Variants in BNC1 observed in about 807,000 individuals in gnomAD.
BNC1 encodes basonuclin zinc finger protein 1, also known as zinc finger protein basonuclin-1.
A neutral mutation model predicts 66.5 loss-of-function variants in BNC1; 8 were observed. That is an observed-to-expected ratio of 0.12 (90% confidence interval 0.07 to 0.22). BNC1 has a LOEUF of 0.22. Among genes scored for constraint, BNC1 ranks in the 10% least tolerant of loss-of-function variants. The pLI is 1.00. For synonymous variants in BNC1, 454 were observed against 452.6 expected, an observed-to-expected ratio of 1.00 and a Z score of -0.04; for missense variants, 1,069 against 1,241.3, an observed-to-expected ratio of 0.86 and a Z score of 2.09.
rs1179681249 is a variant in BNC1 at position 83,264,105 on chromosome 15, C to A, written c.1146G>T (p.Lys382Asn). The A allele has an allele frequency of 1.2e-6, 2 of 1,614,078 alleles. No individual in the cohort carries two copies. The highest frequency in any genetic ancestry group is 1.3e-5 in the African/African-American group (1 of 74,930). Residue 382 changes from lysine to asparagine, a missense_variant, in exon 4 of 5, where the codon AAG becomes AAT. Lys to Asn is a moderately conservative substitution (Grantham distance 94). Coordinates refer to ENST00000345382, the MANE Select transcript of BNC1 (RefSeq NM_001717.4). ...LKIHYNAVHL[K>N]IKHKCTIEGC... ...CTTCGATGGTGCACTTATGCTTGAT[C>A]TTCAAGTGGACGGCATTGTAGTGGA... is the stretch of plus-strand genomic sequence containing the variant.
chr15:83,268,357 G>C, intron 1 of BNC1, 125 bp from the exon 2 acceptor site: 1 of 821,864 alleles, frequency 1.2e-6, no homozygotes, highest in African/African-American at 1.7e-5. Context: ...CCCACTGTGT[G>C]CCAGGCCCAG....
intron 1 of BNC1, among the ~76,000 whole-genome samples, chr15:83,282,346 C>T (rs528305205): frequency 4.6e-5 from 7 of 152,276 alleles, no homozygotes; most frequent in African/African-American, 1.4e-4. Flanking sequence ...AACGATGACT[C>T]GTATCTTATT....
chr15:83,264,545 G>A lies in BNC1; in HGVS notation c.706C>T (p.Leu236Phe). The A allele has an allele frequency of 6.2e-7, 1 of 1,614,140 alleles. No homozygotes were observed. The highest frequency in any genetic ancestry group is 8.5e-7 in the Non-Finnish European group (1 of 1,180,030). The change falls in exon 4 of 5, where the codon CTC (leucine) becomes TTC (phenylalanine). Residue 236 changes from leucine to phenylalanine, a missense_variant. Around this residue, in one of 7 missense-constraint regions of BNC1, gnomAD observed 181 missense variants for 181.5 expected, o/e 1.00. Coordinates refer to ENST00000345382, the MANE Select transcript of BNC1 (RefSeq NM_001717.4). ...AGCATGAAAGTCATGTTGCTTATGAGGTTCTCAAAGGGGTGTATACTGCTG... is the reference window on the plus strand; with the variant it reads ...AGCATGAAAGTCATGTTGCTTATGAAGTTCTCAAAGGGGTGTATACTGCTG... ...NPSSIHPFEN[L>F]ISNMTFMLPF...
intron 4 of BNC1, among the ~76,000 whole-genome samples, chr15:83,262,493 T>C (rs945141905): frequency 3.9e-5 from 6 of 152,160 alleles, no homozygotes; most frequent in Admixed American, 6.6e-5. Flanking sequence ...ATTTGTACTA[T>C]ATATGTATTT....
At chr15:83,268,434 A>G (rs908319277) in intron 1 of BNC1, among the ~76,000 whole-genome samples, 2 of 152,248 alleles carry the variant, frequency 1.3e-5, no homozygotes, top group African/African-American at 4.8e-5. Flanking sequence ...AACACATTAC[A>G]CAGATATTCC....
intron 1 of BNC1, chr15:83,282,994 TG>T: frequency 2.0e-6 from 2 of 1,024,680 alleles, no homozygotes; most frequent in South Asian, 1.6e-5. Context: ...TTAAATGCCC[TG>T]GCCTTCAGAG....
chr15:83,260,220 G>C (rs1356793578), intron 4 of BNC1, among the ~76,000 whole-genome samples: 1 of 152,160 alleles, frequency 6.6e-6, no homozygotes, highest in Admixed American at 6.5e-5. Flanking sequence ...GCAGATATGA[G>C]AATCTAGCTG....
At chr15:83,259,558 T>A (rs905004963) in intron 4 of BNC1, among the ~76,000 whole-genome samples, 6 of 152,180 alleles carry the variant, frequency 3.9e-5, no homozygotes, top group Non-Finnish European at 8.8e-5. Context: ...ACTCCAACTC[T>A]GCCCTGTGAT....
chr15:83,280,140 A>C (rs1265218852), intron 1 of BNC1, among the ~76,000 whole-genome samples: 2 of 152,210 alleles, frequency 1.3e-5, no homozygotes, highest in Non-Finnish European at 2.9e-5. Flanking sequence ...AAAATCTATG[A>C]AATAGCTGAA....
In BNC1 at chr15:83,277,039, A is replaced by C. The variant is rs1480769395; in HGVS notation, c.99+7491T>G. 2.0e-5 allele frequency among the ~76,000 whole-genome samples: 3 copies of C among 152,142 alleles called. No homozygotes were observed. The East Asian group carries it at 5.8e-4, about 29-fold the overall frequency. ...TAAAAACCCAGTCTGGCAAACCACA[A>C]ATCACTTTTTAACAGCCACCAAGTT... On this transcript the variant is annotated intron_variant, in intron 1 of 4. Coordinates refer to ENST00000345382, the MANE Select transcript of BNC1 (RefSeq NM_001717.4).
chr15:83,268,477 T>C (rs1427501147), intron 1 of BNC1, among the ~76,000 whole-genome samples: 1 of 152,188 alleles, frequency 6.6e-6, no homozygotes, highest in Non-Finnish European at 1.5e-5. Context: ...ATCAGAACTT[T>C]TTATAAGAAA....
intron 1 of BNC1, among the ~76,000 whole-genome samples, chr15:83,274,102 T>C (rs2038295284): frequency 6.6e-6 from 1 of 152,066 alleles, no homozygotes; most frequent in South Asian, 2.1e-4. Flanking sequence ...TTAAATAAAA[T>C]GGCCAGGTGC....
chr15:83,261,685 G>C (rs542279709), intron 4 of BNC1, among the ~76,000 whole-genome samples: 1 of 152,320 alleles, frequency 6.6e-6, no homozygotes, highest in East Asian at 1.9e-4. Flanking sequence ...TATCCCCACG[G>C]TGATGAGATA....
rs902814397 is a variant in BNC1 at position 83,263,299 on chromosome 15, T to C, written c.1952A>G (p.Asp651Gly). The change falls in exon 4 of 5, where the codon GAT becomes GGT. Residue 651 changes from aspartate (D) to glycine (G), a missense_variant. Physicochemically the swap from Asp to Gly is moderately conservative, Grantham distance 94 (BLOSUM62 -1). Around this residue, in one of 7 missense-constraint regions of BNC1, gnomAD observed 657 missense variants for 715.8 expected, o/e 0.92. Transcript: ENST00000345382. The part of the protein sequence containing the change: ...ALIMVPREVE[D>G]GGHEHYFTPG... ...TGTGAAGTAGTGTTCATGGCCACCA[T>C]CCTCGACCTCCCTTGGCACCATGAT... is the stretch of plus-strand genomic sequence containing the variant. 1.9e-6 allele frequency: 3 copies of C among 1,614,094 alleles called. No homozygotes were observed. In the African/African-American group the frequency reaches 4.0e-5, roughly 22 times the overall value.
intron 1 of BNC1, among the ~76,000 whole-genome samples, chr15:83,284,145 CAAG>C (rs1295084422): frequency 6.6e-6 from 1 of 151,848 alleles, no homozygotes; most frequent in Non-Finnish European, 1.5e-5. Flanking sequence ...GTGGAAACAG[CAAG>C]TCCTAACGTC....
chr15:83,265,485 T>C (rs963216091), intron 3 of BNC1, among the ~76,000 whole-genome samples: 11 of 152,228 alleles, frequency 7.2e-5, no homozygotes, highest in South Asian at 2.1e-4. Context: ...TTGAAGATGA[T>C]GAAGAATGTA....
rs767622868 is a variant in BNC1 at position 83,262,340 on chromosome 15, C to T, written c.2300+611G>A. ...TGCTGGGATTACAGGGATGAGCCAC[C>T]GCGCCTGGCCATAGTTCATGATTTC... On this transcript the variant is annotated intron_variant, in intron 4 of 4. Coordinates refer to ENST00000345382, the MANE Select transcript of BNC1 (RefSeq NM_001717.4). Among the ~76,000 whole-genome samples the T allele has an allele frequency of 2.6e-5, 4 of 152,152 alleles. No individual in the cohort carries two copies. In the East Asian group the frequency reaches 7.7e-4, roughly 29 times the overall value.
In BNC1 at chr15:83,284,545, A is replaced by G. The variant is rs963695551; in HGVS notation, c.84T>C (p.Gly28=). The change falls in exon 1 of 5, where the codon GGT becomes GGC. Residue 28 remains glycine (G), a synonymous_variant. Transcript: ENST00000345382. The part of the protein sequence containing the change: ...ETRRQPRHRS[G]RRMAEAISCT... ...CCGCGCTTACCTCGGCCATCCTGCG[A>G]CCGCTGCGGTGCCGGGGCTGCCGGC... 5 of 1,170,778 alleles carry G rather than the reference A, an allele frequency of 4.3e-6. No homozygotes were observed. The African/African-American group carries it at 8.3e-5, about 20-fold the overall frequency. 72.5% of individuals were successfully genotyped at this position (1,170,778 alleles called of 1,614,324 possible).
chr15:83,256,075 ATAAT>A lies in BNC1; in HGVS notation c.*1363_*1366del, dbSNP rs1385648247. 1 of 152,618 alleles carries A rather than the reference ATAAT, an allele frequency of 6.6e-6. No individual in the cohort carries two copies. Among genetic ancestry groups the A allele is most frequent in the Non-Finnish European group, 1.5e-5 (1 of 68,044 alleles). The allele number at this position is 152,618 out of a possible 1,614,324, so 9.5% of individuals were successfully genotyped here. The stretch of plus-strand genomic sequence containing the variant: ...ACTTATTAAAACAAAAAAAGCTGAA[ATAAT>A]TGGTAACAGGTTGTTGGCTTTTTAA... On this transcript the variant is annotated 3_prime_UTR_variant, in exon 5 of 5. Transcript: ENST00000345382.
Sources: gnomAD v4.1 joint callset for allele counts (sites outside exome capture counted in the v4.1 genomes callset) on GRCh38, gnomAD v4.1.1 for gene constraint, gnomAD v4.1.1 regional missense constraint, MANE v1.5 for transcripts, NCBI Gene and HGNC (gene_info 2026-07-23, HGNC 2026-07-21) for gene names.